The following BID variants were observed in gnomAD, a reference collection of about 807,000 sequenced individuals.
BID encodes BH3 interacting domain death agonist.
A neutral mutation model predicts 17.4 loss-of-function variants in BID; 19 were observed. The observed-to-expected ratio is 1.09, with a 90% CI of 0.76 to 1.60. The LOEUF (loss-of-function observed/expected upper bound fraction) is 1.60, where lower values mean the gene tolerates loss of function less well. BID is among the 40% of genes most tolerant of loss of function. The pLI is 0.00. For synonymous variants in BID, 108 were observed against 102.8 expected, an observed-to-expected ratio of 1.05 and a Z score of -0.31; for missense variants, 226 against 256.0, an observed-to-expected ratio of 0.88 and a Z score of 0.80.
chr22:17,757,710 A>AAAG (rs1195093419), intron 1 of BID, among the ~76,000 whole-genome samples: 1 of 147,426 alleles, frequency 6.8e-6, no homozygotes, highest in African/African-American at 2.5e-5. Context: ...CTCCGTCTCA[A>AAAG]AAAAAAAAAA....
At chr22:17,745,295 C>T (rs1381508927) in intron 2 of BID, among the ~76,000 whole-genome samples, 2 of 152,112 alleles carry the variant, frequency 1.3e-5, no homozygotes, top group African/African-American at 4.8e-5. Context: ...GTGATCCGCC[C>T]GCCCCCCAAC....
At chr22:17,737,320 C>G (rs930764044) in intron 5 of BID, among the ~76,000 whole-genome samples, 1 of 152,088 alleles carries the variant, frequency 6.6e-6, no homozygotes, top group Non-Finnish European at 1.5e-5. Context: ...ACAGTTCCCC[C>G]CCTTTTTTGA....
At chr22:17,739,510 A>G (rs771292577) in intron 3 of BID, 22 bp from the exon 4 acceptor site, 2 of 1,604,252 alleles carry the variant, frequency 1.2e-6, no homozygotes, top group African/African-American at 1.3e-5. Flanking sequence ...CAGGGGCGGC[A>G]GAGACAGAGC....
intron 1 of BID, among the ~76,000 whole-genome samples, chr22:17,771,261 A>G (rs2061717935): frequency 6.6e-6 from 1 of 152,192 alleles, no homozygotes; most frequent in East Asian, 1.9e-4. Flanking sequence ...CACCACGCAC[A>G]GCTAATTTTC....
Position 17,739,507 on chromosome 22 carries a change from G to T in BID, c.224-19C>A. 1 of 1,604,910 alleles carries T rather than the reference G, an allele frequency of 6.2e-7. No individual in the cohort carries two copies. ...TCAGAATCTGTGTTCAGGCAGGGGC[G>T]GCAGAGACAGAGCAGACTCAGAAAA... On this transcript the variant is annotated intron_variant, in intron 3 of 5. Coordinates refer to ENST00000622694, the MANE Select transcript of BID (RefSeq NM_001196.4).
Position 17,738,001 on chromosome 22 carries a change from C to T in BID, c.576+16G>A. On this transcript the variant is annotated intron_variant, in intron 5 of 5. Transcript: ENST00000622694. ...GGGCGGCAGGCAGGGAAGGAGCTGA[C>T]CTCAAGGGTTCTTACATTTCTGGCT... 1 of 1,613,312 alleles carries T rather than the reference C, an allele frequency of 6.2e-7. No homozygotes were observed. Among genetic ancestry groups the T allele is most frequent in the Non-Finnish European group, 8.5e-7 (1 of 1,179,308 alleles).
intron 1 of BID, among the ~76,000 whole-genome samples, chr22:17,750,830 A>G (rs902132840): frequency 1.3e-5 from 2 of 152,254 alleles, no homozygotes; most frequent in Admixed American, 1.3e-4. Context: ...TCCATCTCAA[A>G]AAGAATGACC....
chr22:17,744,658 G>C (rs2061483765), intron 2 of BID, among the ~76,000 whole-genome samples: 1 of 152,226 alleles, frequency 6.6e-6, no homozygotes, highest in Non-Finnish European at 1.5e-5. Context: ...AGAGGGGCTG[G>C]GCTCTTGGCC....
intron 5 of BID, 102 bp downstream of exon 5, chr22:17,737,915 T>C (rs1233585327): frequency 1.6e-6 from 2 of 1,223,310 alleles, no homozygotes; most frequent in Non-Finnish European, 2.4e-6. Flanking sequence ...CTGTAACCCT[T>C]GTGCTGGCAT....
chr22:17,742,729 C>G (rs548299068), intron 3 of BID, among the ~76,000 whole-genome samples: 2 of 152,206 alleles, frequency 1.3e-5, no homozygotes, highest in African/African-American at 4.8e-5. Context: ...CAGCCTGATG[C>G]AGGCAGCTGG....
At chr22:17,766,163 A>G (rs1475186231) in intron 1 of BID, among the ~76,000 whole-genome samples, 2 of 152,060 alleles carry the variant, frequency 1.3e-5, no homozygotes, top group East Asian at 3.9e-4. Flanking sequence ...GACTCAAGAC[A>G]TCCTCCTGCC....
intron 3 of BID, chr22:17,740,042 C>T (rs765798258): frequency 6.3e-7 from 1 of 1,595,168 alleles, no homozygotes; most frequent in Non-Finnish European, 8.5e-7. Context: ...CAGTCCTCCT[C>T]CTCTGGCGCA....
chr22:17,766,688 C>G (rs930618389), intron 1 of BID, among the ~76,000 whole-genome samples: 5 of 151,942 alleles, frequency 3.3e-5, no homozygotes, highest in African/African-American at 1.2e-4. Flanking sequence ...AGCCTGGGTT[C>G]ACGCCATTCT....
intron 1 of BID, among the ~76,000 whole-genome samples, chr22:17,760,451 CAAAAA>C (rs55817445): frequency 3.3e-5 from 1 of 30,764 alleles, no homozygotes; most frequent in African/African-American, 8.2e-5. Flanking sequence ...GACTCTGTCT[CAAAAA>C]AAAAAAAAAA....
At chr22:17,759,037 C>G (rs1378792305) in intron 1 of BID, among the ~76,000 whole-genome samples, 2 of 151,972 alleles carry the variant, frequency 1.3e-5, no homozygotes, top group Non-Finnish European at 2.9e-5. Context: ...TCGAGACCAT[C>G]CTGGCCAACA....
At chr22:17,750,206 TCCTGGGAAGC>T in intron 1 of BID, 32 bp from the exon 2 acceptor site, 1 of 1,586,272 alleles carries the variant, frequency 6.3e-7, no homozygotes, top group East Asian at 2.3e-5. Flanking sequence ...GGGCGGCCGC[TCCTGGGAAGC>T]CCTGGTCAGG....
intron 1 of BID, among the ~76,000 whole-genome samples, chr22:17,768,966 T>G (rs917259109): frequency 6.7e-6 from 1 of 148,832 alleles, no homozygotes; most frequent in Non-Finnish European, 1.5e-5. Flanking sequence ...GGCGTGAACC[T>G]GGGAGGCGGA....
At chr22:17,750,036 G>A (rs2061524772) in intron 2 of BID, 69 bp downstream of exon 2, 13 of 1,459,634 alleles carry the variant, frequency 8.9e-6, no homozygotes, top group Non-Finnish European at 1.1e-5. Context: ...TGCGTGGTGG[G>A]GGACACGCAG....
At chr22:17,758,892 C>A (rs894612595) in intron 1 of BID, among the ~76,000 whole-genome samples, 1 of 148,664 alleles carries the variant, frequency 6.7e-6, no homozygotes, top group Non-Finnish European at 1.5e-5. Flanking sequence ...AATGGGAAAT[C>A]TTATGCTATA....
Sources: gnomAD v4.1 joint callset for allele counts (sites outside exome capture counted in the v4.1 genomes callset) on GRCh38, gnomAD v4.1.1 for gene constraint, MANE v1.5 for transcripts, NCBI Gene and HGNC (gene_info 2026-07-23, HGNC 2026-07-21) for gene names.